CNTNAP5: variants seen among roughly 807,000 people sequenced by gnomAD.
CNTNAP5 encodes the protein contactin associated protein family member 5.
Under a neutral mutation model 150.2 loss-of-function variants are expected in CNTNAP5, and 72 were observed. That is an observed-to-expected ratio of 0.48 (90% CI 0.40 to 0.58). The LOEUF is 0.58. Ranked by LOEUF, CNTNAP5 falls within the 20% of genes least tolerant of loss-of-function variation. The probability of loss-of-function intolerance (pLI) is 0.00; values close to 1 mark genes in which losing one functional copy is unlikely to be tolerated. For missense variants in CNTNAP5, 1,636 were observed against 1,626.2 expected (o/e 1.01, Z -0.10); for synonymous variants, 672 against 619.8 (o/e 1.08, Z -1.25).
At chr2:124,703,263 C>T in intron 13 of CNTNAP5, among the ~76,000 whole-genome samples, 1 of 106,986 alleles carries the variant, frequency 9.3e-6, no homozygotes, top group African/African-American at 2.8e-5. Context: ...TCCTTCCTGC[C>T]TTCCTGTCTG....
At chr2:124,272,062 A>C (rs1261503308) in intron 3 of CNTNAP5, among the ~76,000 whole-genome samples, 1 of 152,134 alleles carries the variant, frequency 6.6e-6, no homozygotes, top group Non-Finnish European at 1.5e-5. Context: ...AAAACAAATA[A>C]ATACAGTTTT....
At chr2:124,655,840 G>A (rs1043678081) in intron 13 of CNTNAP5, among the ~76,000 whole-genome samples, 2 of 151,322 alleles carry the variant, frequency 1.3e-5, no homozygotes, top group African/African-American at 2.4e-5. Flanking sequence ...GTTCTAGGCT[G>A]CAGTGAGCTA....
chr2:124,822,393 T>A (rs1280762156), intron 19 of CNTNAP5, among the ~76,000 whole-genome samples: 1 of 152,192 alleles, frequency 6.6e-6, no homozygotes, highest in African/African-American at 2.4e-5. Flanking sequence ...TTATGGACAA[T>A]TTTAACCAGT....
intron 19 of CNTNAP5, among the ~76,000 whole-genome samples, chr2:124,810,218 A>T (rs185073766): frequency 6.1e-4 from 93 of 152,314 alleles, no homozygotes; most frequent in Admixed American, 3.0e-3. Context: ...ATCACCTTAT[A>T]TAGTTCTGGG....
intron 12 of CNTNAP5, among the ~76,000 whole-genome samples, chr2:124,633,431 C>G (rs1221844711): frequency 6.6e-6 from 1 of 152,242 alleles, no homozygotes; most frequent in African/African-American, 2.4e-5. Flanking sequence ...CCAAAATAAT[C>G]TCTTTTGACT....
rs560517464 is a variant in CNTNAP5, at chr2:124,908,526, C to T, written c.3656-2941C>T. Among the ~76,000 whole-genome samples, 6 of 152,180 alleles carry T rather than the reference C, an allele frequency of 3.9e-5. No homozygotes were observed. In the South Asian group the frequency reaches 1.0e-3, roughly 26 times the overall value. On this transcript the variant is annotated intron_variant, in intron 22 of 23. Transcript: ENST00000682447. Reference sequence around the variant, plus strand: ...AGACAGTGGTCCTATAAGACTATAACGGAGCTGAATAATTTCTATGACCTA... The same window carrying T: ...AGACAGTGGTCCTATAAGACTATAATGGAGCTGAATAATTTCTATGACCTA...
intron 10 of CNTNAP5, among the ~76,000 whole-genome samples, chr2:124,548,278 G>A (rs1260974849): frequency 1.3e-5 from 2 of 152,196 alleles, no homozygotes; most frequent in Admixed American, 6.5e-5. Context: ...TTGGCCAGCT[G>A]TAGTTTGAAT....
chr2:124,433,807 A>C (rs2104794043), intron 4 of CNTNAP5, among the ~76,000 whole-genome samples: 1 of 152,328 alleles, frequency 6.6e-6, no homozygotes, highest in South Asian at 2.1e-4. Context: ...CTGTTACATA[A>C]GTTTATCTAA....
intron 6 of CNTNAP5, among the ~76,000 whole-genome samples, chr2:124,474,288 A>G (rs535598480): frequency 5.9e-5 from 9 of 152,094 alleles, no homozygotes; most frequent in Non-Finnish European, 1.2e-4. Context: ...ACAATTGTGG[A>G]CAATCTTATG....
chr2:124,507,484 A>G (rs1694439213), intron 8 of CNTNAP5, among the ~76,000 whole-genome samples: 1 of 152,130 alleles, frequency 6.6e-6, no homozygotes, highest in South Asian at 2.1e-4. Context: ...CAACAACAAC[A>G]AAACAGGTAT....
intron 7 of CNTNAP5, among the ~76,000 whole-genome samples, chr2:124,496,450 C>T (rs1036407597): frequency 2.6e-5 from 4 of 152,168 alleles, no homozygotes; most frequent in Non-Finnish European, 5.9e-5. Context: ...TTGTTTGATG[C>T]CTCATGACTG....
At chr2:124,196,092 T>A (rs6740328) in intron 1 of CNTNAP5, among the ~76,000 whole-genome samples, 149,389 of 152,170 alleles carry the variant, frequency 0.98, 73,391 homozygotes, top group East Asian at 1. Flanking sequence ...TTGATCAGGA[T>A]GTAATGATTT....
intron 13 of CNTNAP5, among the ~76,000 whole-genome samples, chr2:124,700,843 A>C (rs555947586): frequency 1.3e-5 from 2 of 152,130 alleles, no homozygotes; most frequent in Non-Finnish European, 2.9e-5. Context: ...AGATACATAT[A>C]GATATTAGGT....
chr2:124,789,812 C>G, intron 17 of CNTNAP5, 90 bp from the exon 18 acceptor site: 1 of 1,174,460 alleles, frequency 8.5e-7, no homozygotes, highest in East Asian at 2.5e-5. Context: ...CAACAGAGAA[C>G]TACTTAACTC....
At position 124,903,100 on chromosome 2, in the gene CNTNAP5, G is replaced by A; in HGVS notation, c.3655G>A (p.Asp1219Asn). Residue 1219 changes from aspartate to asparagine, a missense_variant and splice_region_variant, in exon 22 of 24, where the codon GAT (aspartate) becomes AAT (asparagine). Physicochemically the swap from Asp to Asn is conservative, Grantham distance 23. Coordinates refer to ENST00000682447, the MANE Select transcript of CNTNAP5 (RefSeq NM_001367498.1). ...AGTGACCACGGTGCATTCTTCATCA[G>A]GTACACTCAAGAGCATGCACAAGGG... ...NAVTTVHSSS[D>N]PFGKTDEREP... 6.5e-7 allele frequency: 1 copy of A among 1,550,096 alleles called. No homozygotes were observed. The highest frequency in any genetic ancestry group is 8.8e-7 in the Non-Finnish European group (1 of 1,141,524).
At chr2:124,646,038 T>C (rs939284707) in intron 12 of CNTNAP5, among the ~76,000 whole-genome samples, 2 of 152,248 alleles carry the variant, frequency 1.3e-5, no homozygotes, top group South Asian at 2.1e-4. Flanking sequence ...TCTCCAACAC[T>C]GGGGATTACA....
chr2:124,184,426 C>A (rs1685281804), intron 1 of CNTNAP5, among the ~76,000 whole-genome samples: 1 of 152,136 alleles, frequency 6.6e-6, no homozygotes, highest in South Asian at 2.1e-4. Flanking sequence ...AAGAATGAAT[C>A]TTTTCTTTCA....
intron 10 of CNTNAP5, among the ~76,000 whole-genome samples, chr2:124,553,932 A>C (rs1173881750): frequency 1.3e-5 from 2 of 152,172 alleles, no homozygotes; most frequent in Non-Finnish European, 2.9e-5. Context: ...GTGGGATTTA[A>C]GAACAGAATT....
At chr2:124,685,586 T>C (rs1679171877) in intron 13 of CNTNAP5, among the ~76,000 whole-genome samples, 2 of 152,174 alleles carry the variant, frequency 1.3e-5, no homozygotes, top group African/African-American at 2.4e-5. Context: ...CCTGAATCAC[T>C]AAAATCTGGA....
Sources: allele counts gnomAD v4.1 joint callset (sites outside exome capture counted in the v4.1 genomes callset), GRCh38; gene constraint gnomAD v4.1.1; transcripts MANE v1.5; gene names NCBI Gene and HGNC (gene_info 2026-07-23, HGNC 2026-07-21).